Variants in TF observed in about 807,000 individuals in gnomAD.
The protein encoded by TF is transferrin, also known as serotransferrin.
TF carries 55 observed loss-of-function variants against 82.4 expected under a neutral mutation model. The ratio of observed to expected loss-of-function variants is 0.67; its 90% CI spans 0.54 to 0.84. The LOEUF is 0.84. Ranked by LOEUF, TF falls within the 40% of genes least tolerant of loss-of-function variation. The pLI is 0.00. For missense variants in TF, 737 were observed against 868.4 expected (o/e 0.85, Z 1.90); for synonymous variants, 332 against 332.6 (o/e 1.00, Z 0.02).
Position 133,757,882 on chromosome 3 carries a change from G to A in TF, c.984G>A (p.Met328Ile), listed in dbSNP as rs369469144. 1 of 1,614,114 alleles carries A rather than the reference G, an allele frequency of 6.2e-7. No homozygotes were observed. Among genetic ancestry groups the A allele is most frequent in the African/African-American group, 1.3e-5 (1 of 74,934 alleles). Residue 328 changes from methionine to isoleucine, a missense_variant, in exon 8 of 17, where the codon ATG becomes ATA. By Grantham distance (10) the Met-to-Ile change is conservative. Transcript: ENST00000402696. ...AHGFLKVPPR[M>I]DAKMYLGYEY... ...GGTTTTTAAAAGTCCCCCCCAGGAT[G>A]GATGCCAAGATGTACCTGGGCTATG...
chr3:133,729,059 C>T, the TF span, among the ~76,000 whole-genome samples: 2 of 152,168 alleles, frequency 1.3e-5, no homozygotes, highest in African/African-American at 4.8e-5. Context: ...TGTCAGTCTG[C>T]CCCTACTGGG....
At chr3:133,674,167 G>A in the TF span, among the ~76,000 whole-genome samples, 3 of 152,340 alleles carry the variant, frequency 2.0e-5, no homozygotes, top group African/African-American at 7.2e-5. Context: ...CCTATGGACA[G>A]CCCCCGAATC....
intron 2 of TF, among the ~76,000 whole-genome samples, chr3:133,751,674 T>C (rs1050203007): frequency 1.3e-5 from 2 of 152,304 alleles, no homozygotes; most frequent in Non-Finnish European, 2.9e-5. Flanking sequence ...ATGTACTTAA[T>C]GCCACTAAAA....
the TF span, among the ~76,000 whole-genome samples, chr3:133,714,146 G>T: frequency 6.6e-6 from 1 of 152,160 alleles, no homozygotes; most frequent in African/African-American, 2.4e-5. Flanking sequence ...ACAAAGGCAT[G>T]GGGGCAGGGC....
At position 133,748,621 on chromosome 3, in the gene TF, C is replaced by G. The variant is rs768580585; in HGVS notation, c.216+37C>G. 3.1e-6 allele frequency: 5 copies of G among 1,610,172 alleles called. No individual in the cohort carries two copies. The South Asian group carries it at 4.4e-5, about 14-fold the overall frequency. On this transcript the variant is annotated intron_variant, in intron 2 of 16. Transcript: ENST00000402696. ...CTGCCTAAAAGAGAGTGGAAGAAAG[C>G]CATACTTTCTCTGTTTCCAGTCACT...
At position 133,756,251 on chromosome 3, in the gene TF, G is replaced by A. The variant is rs1269024198; in HGVS notation, c.636-31G>A. On this transcript the variant is annotated intron_variant, in intron 5 of 16. Transcript: ENST00000402696. ...GTGCAGGAGAAGGGCCTGCCCTGCA[G>A]GAGCCCTGCTGATGTGTTTCTTTGA... 8 of 1,612,390 alleles carry A rather than the reference G, an allele frequency of 5.0e-6. No homozygotes were observed. In the South Asian group the frequency reaches 8.8e-5, roughly 18 times the overall value.
rs962881567 is a variant in TF, at chr3:133,758,065, C to T, written c.1048+119C>T. 14 of 947,082 alleles carry T rather than the reference C, an allele frequency of 1.5e-5. No homozygotes were observed. The African/African-American group carries it at 2.1e-4, about 14-fold the overall frequency. The allele number at this position is 947,082 out of a possible 1,614,324, so 58.7% of individuals were successfully genotyped here. ...CCTCTCCTGATGCTCCTTTTTCTGACCTGTCTGTGAGCCCAGTGTTAGACT... is the reference window on the plus strand; with the variant it reads ...CCTCTCCTGATGCTCCTTTTTCTGATCTGTCTGTGAGCCCAGTGTTAGACT... On this transcript the variant is annotated intron_variant, in intron 8 of 16. Coordinates refer to ENST00000402696, the MANE Select transcript of TF (RefSeq NM_001063.4).
chr3:133,735,351 A>G, the TF span, among the ~76,000 whole-genome samples: 13 of 152,170 alleles, frequency 8.5e-5, no homozygotes, highest in African/African-American at 2.9e-4. Flanking sequence ...AAAAAAAAAA[A>G]AAAAGAAATA....
rs1162668009 is a variant in TF at position 133,770,590 on chromosome 3, T to G, written c.1687+18T>G. 1 of 1,613,728 alleles carries G rather than the reference T, an allele frequency of 6.2e-7. No homozygotes were observed. The highest frequency in any genetic ancestry group is 8.5e-7 in the Non-Finnish European group (1 of 1,179,598). On this transcript the variant is annotated intron_variant, in intron 14 of 16. Transcript: ENST00000402696. ...CACTGGGGGTAAGTGCACCTGCTCC[T>G]CTGTCCCCCTAGATCACTAGATCCT...
chr3:133,779,567 A>G lies in TF; in HGVS notation c.*947A>G, dbSNP rs533529494. 1 of 152,258 alleles carries G rather than the reference A, an allele frequency of 6.6e-6. No individual in the cohort carries two copies. The highest frequency in any genetic ancestry group is 2.4e-5 in the African/African-American group (1 of 41,486). 9.4% of individuals were successfully genotyped at this position (152,258 alleles called of 1,614,324 possible). On this transcript the variant is annotated 3_prime_UTR_variant, in exon 17 of 17. Transcript: ENST00000402696. The stretch of plus-strand genomic sequence containing the variant: ...CTCTCTCTGTTCATTTGTAGTCTTC[A>G]CTGTGGGCTCATCCTACTGGCCTGG...
the TF span, among the ~76,000 whole-genome samples, chr3:133,681,386 C>T: frequency 1.3e-5 from 2 of 152,182 alleles, no homozygotes; most frequent in African/African-American, 2.4e-5. Context: ...GGAGCATGAC[C>T]CGAAGCAGGG....
chr3:133,767,087 A>G (rs929069035), intron 12 of TF, among the ~76,000 whole-genome samples: 1 of 152,134 alleles, frequency 6.6e-6, no homozygotes, highest in African/African-American at 2.4e-5. Flanking sequence ...CCCTGCCACA[A>G]GGTTTTGTAT....
the TF span, among the ~76,000 whole-genome samples, chr3:133,715,839 G>C: frequency 5.9e-5 from 9 of 152,346 alleles, no homozygotes; most frequent in East Asian, 1.7e-3. Flanking sequence ...CCACTGTGGA[G>C]ATGAAACTAT....
chr3:133,753,598 A>G lies in TF; in HGVS notation c.220A>G (p.Asn74Asp), dbSNP rs1488548306. The G allele has an allele frequency of 1.2e-6, 2 of 1,614,158 alleles. No homozygotes were observed. Among genetic ancestry groups the G allele is most frequent in the Non-Finnish European group, 1.7e-6 (2 of 1,179,988 alleles). Residue 74 changes from asparagine (N) to aspartate (D), a missense_variant, in exon 3 of 17, where the codon AAC (asparagine) becomes GAC (aspartate). By Grantham distance (23) the Asn-to-Asp change is conservative (BLOSUM62 1). Coordinates refer to ENST00000402696, the MANE Select transcript of TF (RefSeq NM_001063.4). The stretch of plus-strand genomic sequence containing the variant: ...GGACTGGCCTGTTCTCTTTCAGGCA[A>G]ACGAAGCGGATGCTGTGACACTGGA... ...YLDCIRAIAA[N>D]EADAVTLDAG... is the part of the protein sequence containing the mutation.
chr3:133,678,972 A>G, the TF span, among the ~76,000 whole-genome samples: 1 of 152,148 alleles, frequency 6.6e-6, no homozygotes, highest in East Asian at 1.9e-4. Context: ...TCCCGGGTTC[A>G]AGCGATTCTC....
At chr3:133,759,640 A>T (rs537645273) in intron 9 of TF, among the ~76,000 whole-genome samples, 1 of 152,280 alleles carries the variant, frequency 6.6e-6, no homozygotes, top group South Asian at 2.1e-4. Context: ...GATCACTGAG[A>T]TAAGATCCTG....
At chr3:133,730,568 A>G in the TF span, among the ~76,000 whole-genome samples, 16 of 152,204 alleles carry the variant, frequency 1.1e-4, no homozygotes, top group African/African-American at 9.6e-5. Context: ...GGGTCTTTCA[A>G]TGGCACTGGG....
the TF span, among the ~76,000 whole-genome samples, chr3:133,669,186 G>A: frequency 1.3e-5 from 2 of 151,960 alleles, no homozygotes; most frequent in African/African-American, 4.8e-5. Flanking sequence ...ATTTTTAGTA[G>A]AGACGGGGTT....
the TF span, among the ~76,000 whole-genome samples, chr3:133,723,386 C>CT: frequency 3.3e-5 from 5 of 150,160 alleles, no homozygotes; most frequent in African/African-American, 1.2e-4. Flanking sequence ...TTCTTAGTCT[C>CT]TTCTCATCTG....
Sources: gnomAD v4.1 joint callset for allele counts (sites outside exome capture counted in the v4.1 genomes callset) on GRCh38, gnomAD v4.1.1 for gene constraint, MANE v1.5 for transcripts, NCBI Gene and HGNC (gene_info 2026-07-23, HGNC 2026-07-21) for gene names.